Variants in IL7 observed in about 807,000 individuals in gnomAD.
IL7 encodes the protein interleukin 7, also known as interleukin-7.
A neutral mutation model predicts 21.6 loss-of-function variants in IL7; 3 were observed. That is an observed-to-expected ratio of 0.14 (90% CI 0.06 to 0.36). The LOEUF is 0.36. Among genes scored for constraint, IL7 ranks in the 10% least tolerant of loss-of-function variants. IL7 has a pLI of 1.00. For synonymous variants in IL7, 62 were observed against 68.1 expected, an observed-to-expected ratio of 0.91 and a Z score of 0.44; for missense variants, 175 against 200.2, an observed-to-expected ratio of 0.87 and a Z score of 0.76.
chr8:78,715,526 C>T (rs1811074558), downstream of IL7, among the ~76,000 whole-genome samples: 1 of 152,160 alleles, frequency 6.6e-6, no homozygotes, highest in Non-Finnish European at 1.5e-5. Context: ...ATTAACCCTT[C>T]TACATGCCAC....
chr8:78,689,972 G>T (rs1266658130), intron 3 of IL7, among the ~76,000 whole-genome samples: 1 of 152,154 alleles, frequency 6.6e-6, no homozygotes, highest in Non-Finnish European at 1.5e-5. Flanking sequence ...GCTGGTATTT[G>T]TGTATAGTGT....
At chr8:78,723,738 TATC>T (rs1269772263) in intron 3 of IL7, 2 of 190,416 alleles carry the variant, frequency 1.1e-5, no homozygotes. Flanking sequence ...CATATGCAAA[TATC>T]ATATATGAGG....
At chr8:78,719,721 G>T (rs1489458923) in intron 5 of IL7, 1 of 151,542 alleles carries the variant, frequency 6.6e-6, no homozygotes, top group Admixed American at 6.6e-5. Flanking sequence ...CACCAATAAT[G>T]TCTTCATATT....
At chr8:78,690,572 A>C (rs1426470999) in intron 3 of IL7, among the ~76,000 whole-genome samples, 44 of 152,188 alleles carry the variant, frequency 2.9e-4, no homozygotes, top group Non-Finnish European at 1.0e-4. Flanking sequence ...AAAAAAAAAA[A>C]AAACTTTGGC....
At chr8:78,715,564 G>A (rs1811075824), downstream of IL7, among the ~76,000 whole-genome samples, 2 of 152,088 alleles carry the variant, frequency 1.3e-5, no homozygotes, top group Admixed American at 6.5e-5. Flanking sequence ...TATGGGAGGA[G>A]GTCAAAATAT....
intron 2 of IL7, among the ~76,000 whole-genome samples, chr8:78,742,228 G>A (rs963052891): frequency 1.3e-5 from 2 of 152,088 alleles, no homozygotes; most frequent in Non-Finnish European, 2.9e-5. Flanking sequence ...GGAGGCTGAG[G>A]CAGGAGAATC....
intron 4 of IL7, among the ~76,000 whole-genome samples, chr8:78,682,727 C>G (rs1016011887): frequency 1.3e-5 from 2 of 152,118 alleles, no homozygotes; most frequent in Non-Finnish European, 2.9e-5. Context: ...CCCAACAGTC[C>G]CCCAAAGTCT....
chr8:78,737,887 A>G (rs1183512853), intron 4 of IL7, among the ~76,000 whole-genome samples: 2 of 152,148 alleles, frequency 1.3e-5, no homozygotes, highest in African/African-American at 4.8e-5. Flanking sequence ...ATGCCATTTA[A>G]TCCTTTCAAA....
At chr8:78,770,800 T>G (rs981173375) in intron 2 of IL7, among the ~76,000 whole-genome samples, 1 of 152,118 alleles carries the variant, frequency 6.6e-6, no homozygotes. Flanking sequence ...CTTTACAGTT[T>G]TGTCTATCCA....
chr8:78,719,381 G>A (rs1015685340), intron 5 of IL7: 1 of 151,630 alleles, frequency 6.6e-6, no homozygotes, highest in Non-Finnish European at 1.5e-5. Context: ...AAATCATCTA[G>A]TTCCAGAGCC....
intron 2 of IL7, among the ~76,000 whole-genome samples, chr8:78,742,480 A>G (rs1336398135): frequency 6.6e-6 from 1 of 152,194 alleles, no homozygotes; most frequent in Non-Finnish European, 1.5e-5. Flanking sequence ...AGTATAAAAC[A>G]TGACATTGGC....
At chr8:78,685,027 TA>T in intron 4 of IL7, among the ~76,000 whole-genome samples, 1 of 152,238 alleles carries the variant, frequency 6.6e-6, no homozygotes, top group East Asian at 1.9e-4. Context: ...AGGAAAAGAT[TA>T]AAAAAGCTTA....
At chr8:78,779,450 A>T (rs117835261) in intron 2 of IL7, among the ~76,000 whole-genome samples, 2,106 of 151,720 alleles carry the variant, frequency 0.014, 20 homozygotes, top group Non-Finnish European at 0.021. Flanking sequence ...ACATGGGGGG[A>T]TGTTGAATTT....
chr8:78,798,305 T>C (rs1258597702), intron 1 of IL7, 97 bp from the exon 2 acceptor site: 1 of 832,460 alleles, frequency 1.2e-6, no homozygotes, highest in East Asian at 2.7e-5. Flanking sequence ...TCTAATAATT[T>C]TAAAAATACA....
intron 3 of IL7, among the ~76,000 whole-genome samples, chr8:78,696,201 A>T (rs1299231674): frequency 6.6e-6 from 1 of 151,810 alleles, no homozygotes; most frequent in Non-Finnish European, 1.5e-5. Flanking sequence ...CGCCCGGCTA[A>T]TTTTTTGTAT....
At chr8:78,782,988 A>C (rs1813390894) in intron 2 of IL7, among the ~76,000 whole-genome samples, 1 of 152,090 alleles carries the variant, frequency 6.6e-6, no homozygotes, top group Non-Finnish European at 1.5e-5. Context: ...GCTGTGTTGC[A>C]CTGTGGAGAA....
Position 78,733,758 on chromosome 8 carries a change from T to TA in IL7, c.488dup (p.Thr165AsnfsTer5). 1 of 1,602,140 alleles carries TA rather than the reference T, an allele frequency of 6.2e-7. No individual in the cohort carries two copies. The highest frequency in any genetic ancestry group is 8.5e-7 in the Non-Finnish European group (1 of 1,175,586). On this transcript the variant is annotated frameshift_variant, in exon 6 of 6. Transcript: ENST00000263851. LOFTEE classifies it high-confidence loss of function. ...TCAAAATTTTATTCCAACAAGTTTT[T>TA]ATCTCTTGTAATAGTCTCTTTAGGA...
chr8:78,762,698 C>T (rs1812619232), intron 2 of IL7, among the ~76,000 whole-genome samples: 1 of 151,366 alleles, frequency 6.6e-6, no homozygotes, highest in Non-Finnish European at 1.5e-5. Flanking sequence ...TCTGTGTCCT[C>T]TTGTATCTCG....
chr8:78,733,764 T>C lies in IL7; in HGVS notation c.483A>G (p.Gln161=), dbSNP rs777805986. The C allele has an allele frequency of 1.9e-6, 3 of 1,601,608 alleles. No individual in the cohort carries two copies. The Admixed American group carries it at 5.2e-5, about 28-fold the overall frequency. ...NDLCFLKRLL[Q]EIKTCWNKIL... is the part of the protein sequence containing the mutation. ...TTTTATTCCAACAAGTTTTTATCTC[T>C]TGTAATAGTCTCTTTAGGAAACACA... is the stretch of plus-strand genomic sequence containing the variant. Residue 161 remains glutamine, a synonymous_variant, in exon 6 of 6, where the codon CAA becomes CAG. Coordinates refer to ENST00000263851, the MANE Select transcript of IL7 (RefSeq NM_000880.4).
Sources: gnomAD v4.1 joint callset for allele counts (sites outside exome capture counted in the v4.1 genomes callset) on GRCh38, gnomAD v4.1.1 for gene constraint, MANE v1.5 for transcripts, NCBI Gene and HGNC (gene_info 2026-07-23, HGNC 2026-07-21) for gene names.